The following DENND2B variants were observed in gnomAD, a reference collection of about 807,000 sequenced individuals.
The protein encoded by DENND2B is DENN domain-containing protein 2B.
A neutral mutation model predicts 116.0 loss-of-function variants in DENND2B; 32 were observed. The ratio of observed to expected loss-of-function variants is 0.28; its 90% CI spans 0.21 to 0.37. DENND2B has a LOEUF of 0.37. DENND2B is among the 10% of genes least tolerant of loss of function. DENND2B has a pLI of 1.00. For synonymous variants in DENND2B, 588 were observed against 583.9 expected, an observed-to-expected ratio of 1.01 and a Z score of -0.10; for missense variants, 1,276 against 1,477.7, an observed-to-expected ratio of 0.86 and a Z score of 2.24.
intron 1 of DENND2B, among the ~76,000 whole-genome samples, chr11:8,882,123 A>C (rs2063910059): frequency 6.6e-6 from 1 of 151,990 alleles, no homozygotes; most frequent in African/African-American, 2.4e-5. Flanking sequence ...CTCTCTTTTA[A>C]TTTCTAGACC....
upstream of DENND2B, chr11:8,871,423 C>T (rs898307650): frequency 3.3e-5 from 5 of 152,186 alleles, no homozygotes; most frequent in Admixed American, 6.5e-5. Flanking sequence ...ACACACGTGA[C>T]CCCCCTGGAG....
At chr11:8,694,927 T>C (rs2040087199) in intron 19 of DENND2B, among the ~76,000 whole-genome samples, 1 of 152,110 alleles carries the variant, frequency 6.6e-6, no homozygotes, top group African/African-American at 2.4e-5. Flanking sequence ...CCAGGTGTAA[T>C]GGCATATGCC....
intron 3 of DENND2B, among the ~76,000 whole-genome samples, chr11:8,845,847 A>G (rs1055971948): frequency 2.0e-5 from 3 of 152,208 alleles, no homozygotes; most frequent in Admixed American, 6.5e-5. Context: ...TTCGTGGATA[A>G]TTACTGTTAT....
chr11:8,827,046 T>G (rs1436732632), intron 4 of DENND2B, among the ~76,000 whole-genome samples: 1 of 152,112 alleles, frequency 6.6e-6, no homozygotes, highest in East Asian at 1.9e-4. Flanking sequence ...AGTCTCAGAG[T>G]GGCAAATTTG....
Position 8,825,783 on chromosome 11 carries a change from G to A in DENND2B, c.-115+13527C>T, listed in dbSNP as rs376543618. 2.7e-3 allele frequency among the ~76,000 whole-genome samples: 406 copies of A among 152,206 alleles called. 3 individuals are homozygous for A. The highest frequency in any genetic ancestry group is 0.014 in the Middle Eastern group (4 of 294). ...TACTGCAAGACAACAGGATAAAGAT[G>A]GTTATTAGTGAAAAAGACCTGAGGA... On this transcript the variant is annotated intron_variant, in intron 4 of 6. Transcript: ENST00000524757.
chr11:8,720,849 C>T (rs529639685), intron 4 of DENND2B, among the ~76,000 whole-genome samples: 3 of 152,206 alleles, frequency 2.0e-5, no homozygotes, highest in South Asian at 4.2e-4. Context: ...TTGGAGGAGA[C>T]GGTAGGCTGG....
chr11:8,800,480 G>A (rs117605819), intron 1 of DENND2B, among the ~76,000 whole-genome samples: 519 of 152,306 alleles, frequency 3.4e-3, no homozygotes, highest in Middle Eastern at 6.8e-3. Flanking sequence ...GAAGCCTGCA[G>A]AAGTAAAAAA....
intron 2 of DENND2B, among the ~76,000 whole-genome samples, chr11:8,733,772 G>A (rs536994131): frequency 6.7e-4 from 102 of 152,306 alleles, no homozygotes; most frequent in African/African-American, 2.4e-3. Flanking sequence ...CAGAAAGAGT[G>A]ATTCTATAAC....
chr11:8,894,805 T>C (rs1421727437), intron 1 of DENND2B, among the ~76,000 whole-genome samples: 1 of 152,216 alleles, frequency 6.6e-6, no homozygotes, highest in Non-Finnish European at 1.5e-5. Flanking sequence ...TTGGTGGGAC[T>C]GTAAACTAGT....
chr11:8,884,060 T>C (rs961860761), intron 1 of DENND2B, among the ~76,000 whole-genome samples: 1 of 152,220 alleles, frequency 6.6e-6, no homozygotes, highest in Admixed American at 6.5e-5. Context: ...TCTATAGAGA[T>C]ACAGTTCCAT....
intron 3 of DENND2B, among the ~76,000 whole-genome samples, chr11:8,839,690 G>A (rs1166637684): frequency 6.6e-6 from 1 of 152,114 alleles, no homozygotes; most frequent in African/African-American, 2.4e-5. Flanking sequence ...AAAAAACCTG[G>A]AGCTCTTAAC....
At chr11:8,795,425 A>G (rs983585434) in intron 1 of DENND2B, among the ~76,000 whole-genome samples, 3 of 152,160 alleles carry the variant, frequency 2.0e-5, no homozygotes, top group African/African-American at 4.8e-5. Flanking sequence ...CATCACTTCC[A>G]AACTTGTTAA....
upstream of DENND2B, chr11:8,810,682 C>G (rs928824705): frequency 6.6e-6 from 1 of 152,316 alleles, no homozygotes; most frequent in Admixed American, 6.5e-5. Context: ...GTGAGCAGAG[C>G]ACTGCTAGCC....
At chr11:8,699,180 C>T (rs138063585) in intron 15 of DENND2B, 33 bp downstream of exon 15, 3 of 1,535,954 alleles carry the variant, frequency 2.0e-6, no homozygotes, top group Non-Finnish European at 2.6e-6. Flanking sequence ...CCCCCTCCAC[C>T]CTTCCCCCCA....
intron 2 of DENND2B, among the ~76,000 whole-genome samples, chr11:8,877,883 A>C (rs2063861534): frequency 6.6e-6 from 1 of 152,218 alleles, no homozygotes; most frequent in African/African-American, 2.4e-5. Flanking sequence ...TAAAAGTAAT[A>C]AGTTGTGTAA....
chr11:8,746,738 C>T lies in DENND2B; in HGVS notation c.80+3883G>A, dbSNP rs563218179. Among the ~76,000 whole-genome samples, 8 of 152,256 alleles carry T rather than the reference C, an allele frequency of 5.3e-5. No homozygotes were observed. The South Asian group carries it at 1.5e-3, about 28-fold the overall frequency. ...AAGACCAGGGCCAGATCATGAAAAGCCCTGCAAACCAGGCTAAGTTTGACT... is the reference window on the plus strand; with the variant it reads ...AAGACCAGGGCCAGATCATGAAAAGTCCTGCAAACCAGGCTAAGTTTGACT... On this transcript the variant is annotated intron_variant, in intron 2 of 19. Coordinates refer to ENST00000313726, the MANE Select transcript of DENND2B (RefSeq NM_213618.2).
chr11:8,860,751 AAAG>A (rs1340022978), intron 2 of DENND2B, among the ~76,000 whole-genome samples: 5 of 152,206 alleles, frequency 3.3e-5, no homozygotes, highest in African/African-American at 9.6e-5. Context: ...TCCTGAGCAA[AAAG>A]AAGAAATCTG....
intron 4 of DENND2B, among the ~76,000 whole-genome samples, chr11:8,823,850 C>G (rs759097892): frequency 1.3e-4 from 20 of 152,108 alleles, no homozygotes; most frequent in African/African-American, 4.6e-4. Context: ...GTACATGAAC[C>G]CTTTTTTTCC....
At chr11:8,855,783 T>C (rs376211281) in intron 3 of DENND2B, among the ~76,000 whole-genome samples, 2 of 152,028 alleles carry the variant, frequency 1.3e-5, no homozygotes, top group African/African-American at 4.8e-5. Flanking sequence ...TGTCTCAAAT[T>C]TAAAGACAGG....
Sources: allele counts gnomAD v4.1 joint callset (sites outside exome capture counted in the v4.1 genomes callset), GRCh38; gene constraint gnomAD v4.1.1; transcripts MANE v1.5; gene names NCBI Gene and HGNC (gene_info 2026-07-23, HGNC 2026-07-21).